AMBP: variants seen among roughly 807,000 people sequenced by gnomAD.
AMBP encodes alpha-1-microglobulin/bikunin precursor, also known as protein AMBP.
A neutral mutation model predicts 46.3 loss-of-function variants in AMBP; 37 were observed. That is an observed-to-expected ratio of 0.80 (90% confidence interval 0.61 to 1.05). The LOEUF (loss-of-function observed/expected upper bound fraction) is 1.05, where lower values mean the gene tolerates loss of function less well. Among genes scored for constraint, AMBP ranks in the 50% least tolerant of loss-of-function variants. The probability of loss-of-function intolerance (pLI) is 0.00; values close to 1 mark genes in which losing one functional copy is unlikely to be tolerated. For synonymous variants in AMBP, 174 were observed against 175.9 expected (o/e 0.99, Z 0.09); for missense variants, 475 against 461.2 (o/e 1.03, Z -0.27).
rs757518935 is a variant in AMBP at position 114,060,983 on chromosome 9, G to A, written c.969C>T (p.Asn323=). ...CCTTCTCTGAGTAGAACTTGTTCCC[G>A]TTGCCCTGGCAGCCCCCGTAGGGGA... The part of the protein sequence containing the change: ...VLFPYGGCQG[N]GNKFYSEKEC... Residue 323 remains asparagine, a synonymous_variant, in exon 9 of 10, where the codon AAC becomes AAT. Coordinates refer to ENST00000265132, the MANE Select transcript of AMBP (RefSeq NM_001633.4). The A allele has an allele frequency of 4.3e-6, 7 of 1,614,222 alleles. No homozygotes were observed. The highest frequency in any genetic ancestry group is 3.3e-5 in the Admixed American group (2 of 60,028).
In AMBP at chr9:114,069,614, C is replaced by A. The variant is rs552450342; in HGVS notation, c.603+85G>T. ...CCCCCTCCCCATGACTCTGCCTCCC[C>A]CCGCAGCAGGATCAAGTGTGCAGCG... On this transcript the variant is annotated intron_variant, in intron 6 of 9. Coordinates refer to ENST00000265132, the MANE Select transcript of AMBP (RefSeq NM_001633.4). The A allele has an allele frequency of 1.0e-5, 14 of 1,352,366 alleles. No homozygotes were observed. The East Asian group carries it at 1.7e-4, about 17-fold the overall frequency. The allele number at this position is 1,352,366 out of a possible 1,614,324, so 83.8% of individuals were successfully genotyped here.
At position 114,078,141 on chromosome 9, in the gene AMBP, T is replaced by A. The variant is rs1846834589; in HGVS notation, c.69A>T (p.Pro23=). The change falls in exon 1 of 10, where the codon CCA becomes CCT. Residue 23 remains proline, a synonymous_variant. Transcript: ENST00000265132. ...GCACTTGGATGTTGTCGGGCGGCGT[T>A]GGCACAGGGCCAGCGCTCACCGCCA... is the stretch of plus-strand genomic sequence containing the variant. ...ACLAVSAGPV[P]TPPDNIQVQE... is the part of the protein sequence containing the mutation. 6.2e-7 allele frequency: 1 copy of A among 1,613,684 alleles called. No homozygotes were observed.
At chr9:114,074,871 G>A in intron 3 of AMBP, 89 bp downstream of exon 3, 2 of 1,173,192 alleles carry the variant, frequency 1.7e-6, no homozygotes, top group Non-Finnish European at 2.5e-6. Flanking sequence ...TAAATGGGAG[G>A]AAAGGTTACA....
chr9:114,077,346 A>G (rs1846824710), intron 1 of AMBP, among the ~76,000 whole-genome samples: 1 of 152,142 alleles, frequency 6.6e-6, no homozygotes, highest in African/African-American at 2.4e-5. Context: ...TTGTCCCTAA[A>G]AGTAAACAAA....
rs753831627 is a variant in AMBP at position 114,062,688 on chromosome 9, G to T, written c.674C>A (p.Thr225Asn). ...CAGGTGTTCATTACCTTCTTTCTTG[G>T]TGACTTCAGTTACCAGTTGCCCACC... The part of the protein sequence containing the change: ...SGGGQLVTEV[T>N]KKEDSCQLGY... The change falls in exon 7 of 10, where the codon ACC becomes AAC. Residue 225 changes from threonine to asparagine, a missense_variant. This residue lies in a region of AMBP where 293 missense variants were observed against 276.9 expected (regional missense o/e 1.06). Coordinates refer to ENST00000265132, the MANE Select transcript of AMBP (RefSeq NM_001633.4). 3.1e-6 allele frequency: 5 copies of T among 1,613,738 alleles called. No homozygotes were observed. The East Asian group carries it at 8.9e-5, about 29-fold the overall frequency.
chr9:114,074,190 G>T, intron 3 of AMBP, 38 bp from the exon 4 acceptor site: 1 of 1,539,736 alleles, frequency 6.5e-7, no homozygotes, highest in Non-Finnish European at 9.0e-7. Context: ...GGGATCAGTG[G>T]TCAGTAGACT....
chr9:114,077,156 G>A (rs1353877829), intron 1 of AMBP, among the ~76,000 whole-genome samples: 1 of 152,210 alleles, frequency 6.6e-6, no homozygotes, highest in Non-Finnish European at 1.5e-5. Context: ...TATTTCAAAA[G>A]TATAATGAAC....
At chr9:114,071,390 C>A (rs1846742785) in intron 5 of AMBP, among the ~76,000 whole-genome samples, 1 of 152,258 alleles carries the variant, frequency 6.6e-6, no homozygotes, top group Non-Finnish European at 1.5e-5. Context: ...CTCCCAGCTG[C>A]CTCAGCCCCC....
At chr9:114,069,261 T>C (rs899957576) in intron 6 of AMBP, among the ~76,000 whole-genome samples, 1 of 152,206 alleles carries the variant, frequency 6.6e-6, no homozygotes, top group African/African-American at 2.4e-5. Context: ...AAGAGAAGGC[T>C]TGAGAAGCTG....
rs1427766960 is a variant in AMBP, at chr9:114,061,194, G to GAACA, written c.854-100_854-97dup. 36 of 1,479,096 alleles carry GAACA rather than the reference G, an allele frequency of 2.4e-5. No homozygotes were observed. In the African/African-American group the frequency reaches 5.0e-4, roughly 21 times the overall value. The allele number at this position is 1,479,096 out of a possible 1,614,324, so 91.6% of individuals were successfully genotyped here. A position where few individuals can be genotyped will look rare whatever the true frequency, so the allele number is the denominator to read the frequency against. The stretch of plus-strand genomic sequence containing the variant: ...TGAGCCAGAGGGCCCTGCTCATCTA[G>GAACA]AACACCTCATCCCTCGTTGACAGAT... On this transcript the variant is annotated intron_variant, in intron 8 of 9. Transcript: ENST00000265132.
At chr9:114,069,772 T>G in intron 5 of AMBP, 27 bp from the exon 6 acceptor site, 2 of 1,613,194 alleles carry the variant, frequency 1.2e-6, no homozygotes, top group Non-Finnish European at 8.5e-7. Flanking sequence ...GAGAGAGGAG[T>G]GAATAACAGG....
At chr9:114,064,914 C>T (rs983531416) in intron 6 of AMBP, among the ~76,000 whole-genome samples, 2 of 152,238 alleles carry the variant, frequency 1.3e-5, no homozygotes, top group African/African-American at 2.4e-5. Context: ...CACCCCATCC[C>T]TTTCCTTTCC....
intron 9 of AMBP, 91 bp from the exon 10 acceptor site, chr9:114,060,361 C>A: frequency 2.2e-6 from 3 of 1,361,726 alleles, no homozygotes. Context: ...GAAACCTCTG[C>A]TTGCTGAATC....
chr9:114,078,125 T>A lies in AMBP; in HGVS notation c.85A>T (p.Ile29Phe). 6.2e-7 allele frequency: 1 copy of A among 1,613,866 alleles called. No individual in the cohort carries two copies. Among genetic ancestry groups the A allele is most frequent in the East Asian group, 2.2e-5 (1 of 44,846 alleles). ...AGPVPTPPDN[I>F]QVQENFNISR... Reference sequence around the variant, plus strand: ...ATATTGAAGTTTTCCTGCACTTGGATGTTGTCGGGCGGCGTTGGCACAGGG... The same window carrying A: ...ATATTGAAGTTTTCCTGCACTTGGAAGTTGTCGGGCGGCGTTGGCACAGGG... Residue 29 changes from isoleucine to phenylalanine, a missense_variant, in exon 1 of 10, where the codon ATC becomes TTC. Coordinates refer to ENST00000265132, the MANE Select transcript of AMBP (RefSeq NM_001633.4).
chr9:114,072,928 G>A lies in AMBP; in HGVS notation c.553C>T (p.Arg185Ter), dbSNP rs756372752. 3.1e-6 allele frequency: 5 copies of A among 1,613,670 alleles called. No individual in the cohort carries two copies. The highest frequency in any genetic ancestry group is 2.2e-5 in the East Asian group (1 of 44,836). Residue 185 changes from arginine (R) to a stop codon, truncating the protein, a stop_gained, in exon 5 of 10, where the codon CGA (arginine) becomes TGA (stop). Transcript: ENST00000265132. LOFTEE classifies it high-confidence loss of function. ...GAGGCGGAGGGGTGCTATGTACCTC[G>A]GTCAGCCATGGTGAAGATGGAGTCC... ...PEDSIFTMAD[R>*]GECVPGEQEP...
Position 114,060,232 on chromosome 9 carries a change from C to T in AMBP, c.*7G>A, listed in dbSNP as rs1310965886. The T allele has an allele frequency of 6.2e-7, 1 of 1,612,770 alleles. No individual in the cohort carries two copies. The highest frequency in any genetic ancestry group is 1.7e-5 in the Admixed American group (1 of 59,852). ...GGCCATCCTCTGACTTGCAGACCGG[C>T]CAGTTGTCAGTTGGAGAAGCGCAGC... On this transcript the variant is annotated 3_prime_UTR_variant, in exon 10 of 10. Coordinates refer to ENST00000265132, the MANE Select transcript of AMBP (RefSeq NM_001633.4).
rs200128910 is a variant in AMBP, at chr9:114,069,757, A to G, written c.557-12T>C. The G allele has an allele frequency of 6.9e-5, 111 of 1,614,160 alleles. No individual in the cohort carries two copies. The African/African-American group carries it at 1.1e-3, about 16-fold the overall frequency. ...AGGGACACATTCACCTAGGTCACAG[A>G]GCAGGAGAGAGGAGTGAATAACAGG... On this transcript the variant is annotated splice_polypyrimidine_tract_variant and intron_variant, in intron 5 of 9. Transcript: ENST00000265132.
intron 6 of AMBP, among the ~76,000 whole-genome samples, chr9:114,065,375 A>G (rs75160527): frequency 5.3e-5 from 8 of 152,158 alleles, no homozygotes; most frequent in African/African-American, 1.7e-4. Context: ...TGATGTTTTT[A>G]ACAAGCCAAG....
rs534839455 is a variant in AMBP at position 114,064,993 on chromosome 9, TG to T, written c.604-2236del. On this transcript the variant is annotated intron_variant, in intron 6 of 9. Transcript: ENST00000265132. ...AAAAGCAAAAATGGAGTTCACAGAA[TG>T]GGAGGAATGGTAGTAAAAGTTCCAG... is the stretch of plus-strand genomic sequence containing the variant. 2.8e-3 allele frequency among the ~76,000 whole-genome samples: 423 copies of T among 152,232 alleles called. 2 individuals are homozygous for T. Among genetic ancestry groups the T allele is most frequent in the African/African-American group, 9.8e-3 (405 of 41,528 alleles).
Sources: gnomAD v4.1 joint callset for allele counts (sites outside exome capture counted in the v4.1 genomes callset) on GRCh38, gnomAD v4.1.1 for gene constraint, gnomAD v4.1.1 regional missense constraint, MANE v1.5 for transcripts, NCBI Gene and HGNC (gene_info 2026-07-23, HGNC 2026-07-21) for gene names.